USH2A: variants seen among roughly 807,000 people sequenced by gnomAD.
USH2A encodes usherin, also known as Usher syndrome 2A (autosomal recessive, mild).
Under a neutral mutation model 538.9 loss-of-function variants are expected in USH2A, and 443 were observed. The ratio of observed to expected loss-of-function variants is 0.82; its 90% CI spans 0.76 to 0.89. The LOEUF (loss-of-function observed/expected upper bound fraction) is 0.89. USH2A is among the 40% of genes least tolerant of loss of function. The pLI, the probability that USH2A is intolerant of heterozygous loss-of-function variation, is 0.00. For synonymous variants in USH2A, 2,413 were observed against 2,273.5 expected (o/e 1.06, Z -1.75); for missense variants, 6,633 against 6,324.8 (o/e 1.05, Z -1.65).
chr1:216,404,335 T>C (rs139693640), intron 3 of USH2A, among the ~76,000 whole-genome samples: 1 of 152,126 alleles, frequency 6.6e-6, no homozygotes, highest in East Asian at 1.9e-4. Context: ...CCCTAAAAGG[T>C]TTATTATTTT....
At chr1:216,387,636 G>A (rs1383587713) in intron 3 of USH2A, among the ~76,000 whole-genome samples, 1 of 152,138 alleles carries the variant, frequency 6.6e-6, no homozygotes, top group East Asian at 1.9e-4. Flanking sequence ...TATATCGGCG[G>A]TGTAGTGATT....
intron 21 of USH2A, among the ~76,000 whole-genome samples, chr1:216,155,383 A>G (rs1013459878): frequency 1.3e-5 from 2 of 152,182 alleles, no homozygotes; most frequent in African/African-American, 4.8e-5. Flanking sequence ...TGACTTCCCC[A>G]ATTGCTCCTA....
intron 49 of USH2A, among the ~76,000 whole-genome samples, chr1:215,801,281 G>A (rs1448061389): frequency 2.0e-5 from 3 of 151,518 alleles, no homozygotes; most frequent in Non-Finnish European, 2.9e-5. Flanking sequence ...TGGATATTAT[G>A]GCTAGAGCAA....
intron 3 of USH2A, among the ~76,000 whole-genome samples, chr1:216,391,211 T>C (rs889231644): frequency 1.3e-5 from 2 of 152,220 alleles, no homozygotes; most frequent in Admixed American, 6.5e-5. Context: ...TGACATTCAA[T>C]TGCGAGAAGT....
chr1:216,006,914 T>C (rs1668406073), intron 32 of USH2A, among the ~76,000 whole-genome samples: 1 of 152,212 alleles, frequency 6.6e-6, no homozygotes, highest in Admixed American at 6.5e-5. Flanking sequence ...CTCAGTGATA[T>C]GGTTTGGCTA....
At chr1:215,958,153 A>G (rs1473614724) in intron 37 of USH2A, among the ~76,000 whole-genome samples, 4 of 151,990 alleles carry the variant, frequency 2.6e-5, no homozygotes, top group African/African-American at 7.3e-5. Flanking sequence ...TCCATCTTGT[A>G]ATTTTTATAA....
intron 44 of USH2A, among the ~76,000 whole-genome samples, chr1:215,847,668 A>C (rs988674029): frequency 6.6e-6 from 1 of 151,972 alleles, no homozygotes; most frequent in Admixed American, 6.6e-5. Context: ...AAAGAAAAAA[A>C]GTTAAACAGC....
intron 4 of USH2A, among the ~76,000 whole-genome samples, chr1:216,351,322 G>C (rs907407515): frequency 7.9e-5 from 12 of 152,286 alleles, no homozygotes; most frequent in African/African-American, 2.9e-4. Context: ...TGATAAGAAA[G>C]ATGTATTTAA....
intron 60 of USH2A, among the ~76,000 whole-genome samples, chr1:215,734,423 T>A (rs998941075): frequency 6.6e-6 from 1 of 152,162 alleles, no homozygotes; most frequent in Admixed American, 6.5e-5. Flanking sequence ...TCTAGGCCTT[T>A]TCCCTATTAT....
chr1:215,788,051 G>A (rs1238444419), intron 51 of USH2A, among the ~76,000 whole-genome samples: 1 of 152,084 alleles, frequency 6.6e-6, no homozygotes, highest in Non-Finnish European at 1.5e-5. Flanking sequence ...GTGTATGTGT[G>A]TGTATCTATC....
chr1:215,957,899 TC>T (rs944746250), intron 37 of USH2A, among the ~76,000 whole-genome samples: 45 of 152,068 alleles, frequency 3.0e-4, no homozygotes, highest in African/African-American at 1.1e-3. Flanking sequence ...CTGGAACAAT[TC>T]CCCCACTGGC....
intron 6 of USH2A, 135 bp downstream of exon 6, chr1:216,325,170 C>A: frequency 9.5e-7 from 1 of 1,048,006 alleles, no homozygotes; most frequent in South Asian, 1.4e-5. Context: ...GTAGCCCTGC[C>A]AACATGTTGA....
intron 3 of USH2A, among the ~76,000 whole-genome samples, chr1:216,386,333 T>A (rs2039003823): frequency 6.6e-6 from 1 of 150,488 alleles, no homozygotes; most frequent in Non-Finnish European, 1.5e-5. Flanking sequence ...CCATCTCTAC[T>A]AAAAATACAA....
intron 3 of USH2A, among the ~76,000 whole-genome samples, chr1:216,390,030 G>A (rs188170890): frequency 6.6e-6 from 1 of 152,068 alleles, no homozygotes; most frequent in African/African-American, 2.4e-5. Flanking sequence ...CAGTAAGAAA[G>A]AGAAAGTATG....
intron 11 of USH2A, among the ~76,000 whole-genome samples, chr1:216,261,527 C>A (rs1267256962): frequency 4.0e-5 from 6 of 149,552 alleles, no homozygotes; most frequent in South Asian, 2.1e-4. Context: ...ATCAGAAAGG[C>A]TAACAATAAT....
chr1:215,998,001 G>C lies in USH2A; in HGVS notation c.6657+886C>G, dbSNP rs139938397. Among the ~76,000 whole-genome samples, 31 of 152,042 alleles carry C rather than the reference G, an allele frequency of 2.0e-4. No homozygotes were observed. In the East Asian group the frequency reaches 5.8e-3, roughly 29 times the overall value. On this transcript the variant is annotated intron_variant, in intron 34 of 71. Coordinates refer to ENST00000307340, the MANE Select transcript of USH2A (RefSeq NM_206933.4). ...GTTGAGTGTAGTTTATTTTCTCATG[G>C]TATAATATTTAGAGCATTCAAGAGC...
chr1:216,067,655 G>A (rs2031424989), intron 30 of USH2A, among the ~76,000 whole-genome samples: 1 of 152,150 alleles, frequency 6.6e-6, no homozygotes, highest in Non-Finnish European at 1.5e-5. Flanking sequence ...TATGAGGTGT[G>A]AAGGAGGTGA....
intron 24 of USH2A, among the ~76,000 whole-genome samples, chr1:216,085,706 G>A (rs2032107630): frequency 6.7e-6 from 1 of 150,098 alleles, no homozygotes; most frequent in African/African-American, 2.5e-5. Flanking sequence ...AAAAAACAAA[G>A]GCTGTGTACG....
chr1:215,825,918 A>G (rs993906740), intron 47 of USH2A, among the ~76,000 whole-genome samples: 1 of 152,196 alleles, frequency 6.6e-6, no homozygotes, highest in Non-Finnish European at 1.5e-5. Flanking sequence ...AGGAACACAC[A>G]TTTCCCTCCT....
Sources: gnomAD v4.1 joint callset for allele counts (sites outside exome capture counted in the v4.1 genomes callset) on GRCh38, gnomAD v4.1.1 for gene constraint, MANE v1.5 for transcripts, NCBI Gene and HGNC (gene_info 2026-07-23, HGNC 2026-07-21) for gene names.